The following REV1 variants were observed in gnomAD, a reference collection of about 807,000 sequenced individuals.
The protein encoded by REV1 is REV1 DNA directed polymerase.
REV1 carries 42 observed loss-of-function variants against 137.4 expected under a neutral mutation model. The observed-to-expected ratio is 0.31, with a 90% CI of 0.24 to 0.40. The LOEUF is 0.40. Among genes scored for constraint, REV1 ranks in the 10% least tolerant of loss-of-function variants. The pLI is 1.00. For missense variants in REV1, 1,282 were observed against 1,490.1 expected, an observed-to-expected ratio of 0.86 and a Z score of 2.30; for synonymous variants, 524 against 519.2, an observed-to-expected ratio of 1.01 and a Z score of -0.12.
At chr2:99,407,941 C>G in intron 15 of REV1, 88 bp downstream of exon 15, 1 of 711,640 alleles carries the variant, frequency 1.4e-6, no homozygotes, top group Non-Finnish European at 2.2e-6. Flanking sequence ...AGTCCCTATA[C>G]ACCAGCAATA....
At chr2:99,432,719 T>G (rs144344236) in intron 8 of REV1, among the ~76,000 whole-genome samples, 134 of 152,354 alleles carry the variant, frequency 8.8e-4, no homozygotes, top group African/African-American at 3.1e-3. Context: ...ATATTTCTCC[T>G]AATATTACCT....
intron 9 of REV1, among the ~76,000 whole-genome samples, chr2:99,426,857 G>C (rs1679446568): frequency 6.6e-6 from 1 of 152,136 alleles, no homozygotes; most frequent in African/African-American, 2.4e-5. Flanking sequence ...GCTTTGTTCA[G>C]ACAGTTGTAT....
At chr2:99,477,619 AAT>A (rs1267196284) in intron 1 of REV1, among the ~76,000 whole-genome samples, 3 of 152,260 alleles carry the variant, frequency 2.0e-5, no homozygotes, top group African/African-American at 7.2e-5. Flanking sequence ...ATAAATTAAA[AAT>A]AGACAAACAA....
chr2:99,462,750 G>A, intron 2 of REV1, 128 bp from the exon 3 acceptor site: 1 of 937,774 alleles, frequency 1.1e-6, no homozygotes, highest in Non-Finnish European at 1.6e-6. Flanking sequence ...AGAACATAAT[G>A]ATGACCTCAT....
intron 3 of REV1, among the ~76,000 whole-genome samples, chr2:99,451,842 G>A (rs1209524918): frequency 6.6e-6 from 1 of 151,924 alleles, no homozygotes; most frequent in African/African-American, 2.4e-5. Flanking sequence ...AACAAAAACA[G>A]ACCTGCCAAT....
At chr2:99,454,583 A>C (rs1417375508) in intron 3 of REV1, among the ~76,000 whole-genome samples, 12 of 145,690 alleles carry the variant, frequency 8.2e-5, no homozygotes, top group South Asian at 2.2e-4. Flanking sequence ...AAAAAAAAAA[A>C]AAAAAAAACC....
intron 3 of REV1, among the ~76,000 whole-genome samples, chr2:99,453,210 T>C (rs1683118654): frequency 6.6e-6 from 1 of 151,688 alleles, no homozygotes; most frequent in Non-Finnish European, 1.5e-5. Context: ...AATACAAAAA[T>C]TAGCTGGGCA....
intron 10 of REV1, among the ~76,000 whole-genome samples, chr2:99,423,320 C>T (rs1559319812): frequency 6.6e-6 from 1 of 152,196 alleles, no homozygotes; most frequent in Non-Finnish European, 1.5e-5. Flanking sequence ...TCTCTTGGAA[C>T]ATTAATACTG....
At chr2:99,451,237 A>T in intron 3 of REV1, 1 of 622,796 alleles carries the variant, frequency 1.6e-6, no homozygotes, top group Non-Finnish European at 2.1e-6. Flanking sequence ...AACTTTCCTA[A>T]ACTAATTCTA....
intron 1 of REV1, among the ~76,000 whole-genome samples, chr2:99,466,490 C>A (rs1339771832): frequency 6.6e-6 from 1 of 152,180 alleles, no homozygotes; most frequent in East Asian, 1.9e-4. Context: ...GATCTGCCCG[C>A]CTATGCCTCC....
chr2:99,481,365 CAA>C (rs1456939501), intron 1 of REV1, among the ~76,000 whole-genome samples: 4 of 152,050 alleles, frequency 2.6e-5, no homozygotes, highest in Admixed American at 6.6e-5. Context: ...GTGAATAACC[CAA>C]GTTTTAAATT....
At chr2:99,428,852 T>C (rs989299420) in intron 9 of REV1, among the ~76,000 whole-genome samples, 30 of 151,848 alleles carry the variant, frequency 2.0e-4, no homozygotes, top group African/African-American at 6.8e-4. Context: ...ATTAGCCGGG[T>C]GTGGTGGCGA....
intron 1 of REV1, among the ~76,000 whole-genome samples, chr2:99,468,780 C>A (rs1055049819): frequency 6.6e-6 from 1 of 152,086 alleles, no homozygotes; most frequent in African/African-American, 2.4e-5. Flanking sequence ...TGCAAAAGTA[C>A]CCTTACCCTT....
At chr2:99,469,661 C>T (rs184581653) in intron 1 of REV1, among the ~76,000 whole-genome samples, 6 of 152,308 alleles carry the variant, frequency 3.9e-5, no homozygotes, top group Admixed American at 3.3e-4. Flanking sequence ...AGAGTCTCAT[C>T]AAGGACATGC....
intron 19 of REV1, 118 bp downstream of exon 19, chr2:99,403,577 T>TGAA (rs1305430830): frequency 3.2e-6 from 4 of 1,250,656 alleles, no homozygotes; most frequent in Admixed American, 1.8e-5. Flanking sequence ...TATCCCAATA[T>TGAA]GAAGAGCTCT....
chr2:99,440,662 C>T (rs1681370178), intron 5 of REV1, among the ~76,000 whole-genome samples: 1 of 152,180 alleles, frequency 6.6e-6, no homozygotes, highest in Non-Finnish European at 1.5e-5. Context: ...AGTTCAGCCT[C>T]TTGAGATAAA....
Position 99,438,825 on chromosome 2 carries a change from G to T in REV1, c.989C>A (p.Ser330Tyr), listed in dbSNP as rs771081402. The part of the protein sequence containing the change: ...PSSTKSTSSV[S>Y]TFSKAAPSVP... ...TGAAGGTGCTGCCTTGCTAAACGTA[G>T]ATACTGAAGAAGTGCTTTTTGTGCT... The change falls in exon 6 of 23, where the codon TCT (serine) becomes TAT (tyrosine). Residue 330 changes from serine to tyrosine, a missense_variant. Ser to Tyr is a moderately radical substitution (Grantham distance 144). This residue lies in a region of REV1 where 432 missense variants were observed against 438.0 expected (regional missense o/e 0.99). Coordinates refer to ENST00000258428, the MANE Select transcript of REV1 (RefSeq NM_016316.4). The T allele has an allele frequency of 6.2e-7, 1 of 1,614,240 alleles. No individual in the cohort carries two copies. Among genetic ancestry groups the T allele is most frequent in the Non-Finnish European group, 8.5e-7 (1 of 1,180,042 alleles).
intron 1 of REV1, among the ~76,000 whole-genome samples, chr2:99,480,948 A>G (rs1686544405): frequency 1.3e-5 from 2 of 152,234 alleles, no homozygotes; most frequent in Non-Finnish European, 2.9e-5. Context: ...ATAATCTCTG[A>G]GGAACAGTGA....
chr2:99,420,672 C>T (rs908718965), intron 11 of REV1, among the ~76,000 whole-genome samples: 1 of 152,010 alleles, frequency 6.6e-6, no homozygotes, highest in Admixed American at 6.5e-5. Context: ...TGCATCATCA[C>T]TCAGTCATTA....
Sources: allele counts gnomAD v4.1 joint callset (sites outside exome capture counted in the v4.1 genomes callset), GRCh38; gene constraint gnomAD v4.1.1; regional missense constraint gnomAD v4.1.1; transcripts MANE v1.5; gene names NCBI Gene and HGNC (gene_info 2026-07-23, HGNC 2026-07-21).